Variants in XIRP2 observed in about 807,000 individuals in gnomAD.
XIRP2 encodes the protein xin actin-binding repeat-containing protein 2.
XIRP2 carries 236 observed loss-of-function variants against 277.0 expected under a neutral mutation model. The observed-to-expected ratio is 0.85, with a 90% CI of 0.77 to 0.95. XIRP2 has a LOEUF of 0.95. XIRP2 is among the 40% of genes least tolerant of loss of function. The probability of loss-of-function intolerance (pLI) is 0.00; values close to 1 mark genes in which losing one functional copy is unlikely to be tolerated. For synonymous variants in XIRP2, 1,490 were observed against 1,416.5 expected (o/e 1.05, Z -1.17); for missense variants, 4,640 against 4,157.5 (o/e 1.12, Z -3.19).
chr2:166,908,113 C>A (rs1684580106), intron 2 of XIRP2, among the ~76,000 whole-genome samples: 1 of 152,106 alleles, frequency 6.6e-6, no homozygotes, highest in Non-Finnish European at 1.5e-5. Flanking sequence ...GATTTATAAT[C>A]CTTTGGGTGT....
chr2:167,057,183 G>A (rs1689059641), intron 2 of XIRP2, among the ~76,000 whole-genome samples: 1 of 152,088 alleles, frequency 6.6e-6, no homozygotes, highest in African/African-American at 2.4e-5. Flanking sequence ...GTACAAGCCG[G>A]CATGTTTCAG....
Position 167,246,254 on chromosome 2 carries a change from G to C in XIRP2, c.4862G>C (p.Arg1621Thr). ...CTTTCCAAAAGGGACTGTACTGAAA[G>C]AGAGATTTTGATTAGTGAAGAAGAG... ...NLLSKRDCTE[R>T]EILISEEEKG... is the part of the protein sequence containing the mutation. The change falls in exon 9 of 11, where the codon AGA becomes ACA. Residue 1621 changes from arginine to threonine, a missense_variant. Coordinates refer to ENST00000409195, the MANE Select transcript of XIRP2 (RefSeq NM_152381.6). 2 of 1,613,546 alleles carry C rather than the reference G, an allele frequency of 1.2e-6. No individual in the cohort carries two copies. Among genetic ancestry groups the C allele is most frequent in the South Asian group, 1.1e-5 (1 of 91,036 alleles).
At chr2:167,179,011 A>C (rs138364328) in intron 3 of XIRP2, among the ~76,000 whole-genome samples, 1 of 152,292 alleles carries the variant, frequency 6.6e-6, no homozygotes, top group East Asian at 1.9e-4. Context: ...CACTCTCGAT[A>C]GTAAATGACA....
intron 2 of XIRP2, among the ~76,000 whole-genome samples, chr2:167,087,227 TG>T (rs1350179708): frequency 6.6e-6 from 1 of 152,230 alleles, no homozygotes; most frequent in Non-Finnish European, 1.5e-5. Flanking sequence ...GTACCCCTGC[TG>T]GGGGATGCCT....
In XIRP2 at chr2:167,067,179, G is replaced by A. The variant is rs1453808929; in HGVS notation, c.409-68730G>A. ...AGACTTCAATTACATATATCTATGAGTAATTGACAGTACCCAGTTACTTGA... is the reference window on the plus strand; with the variant it reads ...AGACTTCAATTACATATATCTATGAATAATTGACAGTACCCAGTTACTTGA... On this transcript the variant is annotated intron_variant, in intron 2 of 10. Transcript: ENST00000409195. 3.3e-5 allele frequency among the ~76,000 whole-genome samples: 5 copies of A among 151,830 alleles called. No individual in the cohort carries two copies. The East Asian group carries it at 9.6e-4, about 29-fold the overall frequency.
At chr2:166,896,483 T>G (rs961904125) in intron 1 of XIRP2, among the ~76,000 whole-genome samples, 1 of 151,578 alleles carries the variant, frequency 6.6e-6, no homozygotes, top group Non-Finnish European at 1.5e-5. Context: ...TAATAAAAAT[T>G]TTTAAAAAGT....
At chr2:166,901,667 G>A (rs571047644) in intron 1 of XIRP2, among the ~76,000 whole-genome samples, 5 of 152,068 alleles carry the variant, frequency 3.3e-5, no homozygotes, top group East Asian at 1.9e-4. Flanking sequence ...CTTTTCTGTC[G>A]TCCACATATG....
chr2:167,105,778 A>T (rs549998147), intron 2 of XIRP2, among the ~76,000 whole-genome samples: 2 of 152,002 alleles, frequency 1.3e-5, no homozygotes, highest in East Asian at 3.9e-4. Context: ...ATTACAATAC[A>T]TAAGTGATCC....
chr2:167,039,261 T>A (rs1424395143), intron 2 of XIRP2, among the ~76,000 whole-genome samples: 1 of 152,186 alleles, frequency 6.6e-6, no homozygotes, highest in Non-Finnish European at 1.5e-5. Flanking sequence ...TCTCAGTAAT[T>A]CAATTTTTCT....
chr2:166,939,679 C>CAAAAAAAAAAAAAA (rs138977006), intron 2 of XIRP2, among the ~76,000 whole-genome samples: 97 of 90,476 alleles, frequency 1.1e-3, no homozygotes, highest in African/African-American at 1.3e-3. Flanking sequence ...GACTCCATCA[C>CAAAAAAAAAAAAAA]AAAAAAAAAA....
chr2:167,253,730 G>T (rs546880958), intron 9 of XIRP2, among the ~76,000 whole-genome samples: 1 of 151,668 alleles, frequency 6.6e-6, no homozygotes, highest in East Asian at 2.0e-4. Context: ...ACATATATAT[G>T]TTTGTAATGT....
chr2:166,898,540 A>T (rs1684300549), intron 1 of XIRP2, among the ~76,000 whole-genome samples: 1 of 152,150 alleles, frequency 6.6e-6, no homozygotes, highest in Admixed American at 6.6e-5. Flanking sequence ...CATAGCAAAG[A>T]TAGTACAGAG....
chr2:167,103,999 A>G (rs1208798404), intron 2 of XIRP2, among the ~76,000 whole-genome samples: 6 of 152,160 alleles, frequency 3.9e-5, no homozygotes, highest in Admixed American at 3.9e-4. Flanking sequence ...CTTGCACACT[A>G]TAATTATTGC....
intron 2 of XIRP2, among the ~76,000 whole-genome samples, chr2:167,004,681 C>T (rs1396174583): frequency 2.0e-5 from 3 of 151,846 alleles, no homozygotes; most frequent in African/African-American, 7.2e-5. Flanking sequence ...AAACAGAATT[C>T]AGGTCATGGA....
chr2:167,179,769 A>G (rs1692959490), intron 3 of XIRP2, among the ~76,000 whole-genome samples: 1 of 151,734 alleles, frequency 6.6e-6, no homozygotes. Context: ...CCTCTAACGT[A>G]GCTGGGACTA....
chr2:167,240,748 G>A lies in XIRP2; in HGVS notation c.1042+12G>A, dbSNP rs1280871289. On this transcript the variant is annotated intron_variant, in intron 7 of 10. Coordinates refer to ENST00000409195, the MANE Select transcript of XIRP2 (RefSeq NM_152381.6). ...TGTTCAAGAAACTGGTAAGAGTCTG[G>A]TATTATTGGTTCCAATACTCCTTTC... The A allele has an allele frequency of 1.9e-6, 3 of 1,610,384 alleles. No homozygotes were observed. The highest frequency in any genetic ancestry group is 2.2e-5 in the South Asian group (2 of 90,992).
chr2:167,240,608 A>G (rs1036251939), intron 6 of XIRP2, 56 bp from the exon 7 acceptor site: 1 of 1,445,526 alleles, frequency 6.9e-7, no homozygotes, highest in Non-Finnish European at 9.7e-7. Context: ...TATTTGTAGT[A>G]CTAAAATAAT....
At chr2:166,912,533 C>T (rs1309478053) in intron 2 of XIRP2, among the ~76,000 whole-genome samples, 2 of 152,090 alleles carry the variant, frequency 1.3e-5, no homozygotes, top group Non-Finnish European at 2.9e-5. Flanking sequence ...AGGTTTTTAT[C>T]TTCTTTGCAA....
intron 2 of XIRP2, among the ~76,000 whole-genome samples, chr2:167,047,832 T>C (rs975507559): frequency 6.6e-6 from 1 of 151,982 alleles, no homozygotes; most frequent in Non-Finnish European, 1.5e-5. Context: ...TGGAACAAAG[T>C]GAATTTGGAG....
Sources: allele counts gnomAD v4.1 joint callset (sites outside exome capture counted in the v4.1 genomes callset), GRCh38; gene constraint gnomAD v4.1.1; transcripts MANE v1.5; gene names NCBI Gene and HGNC (gene_info 2026-07-23, HGNC 2026-07-21).